Variants in BAZ1A observed in about 807,000 individuals in gnomAD.
The protein encoded by BAZ1A is bromodomain adjacent to zinc finger domain protein 1A.
BAZ1A carries 50 observed loss-of-function variants against 185.2 expected under a neutral mutation model. The observed-to-expected ratio is 0.27, with a 90% CI of 0.22 to 0.34. BAZ1A has a LOEUF of 0.34. Among genes scored for constraint, BAZ1A ranks in the 10% least tolerant of loss-of-function variants. BAZ1A has a pLI of 1.00. For missense variants in BAZ1A, 1,356 were observed against 1,839.9 expected (o/e 0.74, Z 4.81); for synonymous variants, 571 against 615.6 (o/e 0.93, Z 1.07).
chr14:34,820,368 G>A (rs867555333), intron 4 of BAZ1A, among the ~76,000 whole-genome samples: 10 of 152,188 alleles, frequency 6.6e-5, no homozygotes, highest in African/African-American at 2.2e-4. Flanking sequence ...CTGAGCTCAA[G>A]CAATCCACCC....
At chr14:34,816,693 A>G (rs532533981) in intron 4 of BAZ1A, 3 of 205,438 alleles carry the variant, frequency 1.5e-5, no homozygotes, top group Non-Finnish European at 3.1e-5. Context: ...TATAAATTCT[A>G]AAAGCAACTA....
chr14:34,834,229 G>A (rs1378996760), intron 3 of BAZ1A, among the ~76,000 whole-genome samples: 1 of 152,176 alleles, frequency 6.6e-6, no homozygotes, highest in Non-Finnish European at 1.5e-5. Context: ...AATGAAGGAA[G>A]CTTTTCAGGG....
At chr14:34,864,440 G>A (rs1204376681) in intron 2 of BAZ1A, among the ~76,000 whole-genome samples, 1 of 151,772 alleles carries the variant, frequency 6.6e-6, no homozygotes, top group African/African-American at 2.4e-5. Flanking sequence ...ACCGCATTCA[G>A]TCCTGTTTAA....
At chr14:34,760,957 G>A (rs1886496126) in intron 24 of BAZ1A, among the ~76,000 whole-genome samples, 3 of 152,088 alleles carry the variant, frequency 2.0e-5, no homozygotes, top group Middle Eastern at 6.8e-3. Context: ...TATGAATAAT[G>A]ATTACTATAA....
At chr14:34,825,978 G>T in intron 4 of BAZ1A, 35 bp downstream of exon 4, 1 of 1,494,516 alleles carries the variant, frequency 6.7e-7, no homozygotes, top group South Asian at 1.3e-5. Flanking sequence ...TAGGCAATCT[G>T]CCAAATAATT....
chr14:34,761,084 G>A (rs1208904857), intron 24 of BAZ1A, among the ~76,000 whole-genome samples: 2 of 152,108 alleles, frequency 1.3e-5, no homozygotes, highest in Non-Finnish European at 2.9e-5. Context: ...TTCAAGACCA[G>A]CCTGGCCAAC....
intron 4 of BAZ1A, among the ~76,000 whole-genome samples, chr14:34,822,066 G>C (rs1367215816): frequency 6.6e-6 from 1 of 152,122 alleles, no homozygotes; most frequent in African/African-American, 2.4e-5. Flanking sequence ...AGACCAAGGC[G>C]GGTGTATCAC....
intron 4 of BAZ1A, among the ~76,000 whole-genome samples, chr14:34,811,466 A>T (rs944073344): frequency 3.4e-5 from 5 of 149,202 alleles, no homozygotes; most frequent in East Asian, 2.0e-4. Flanking sequence ...TTAAAATTTT[A>T]TTTTTTTTTT....
intron 11 of BAZ1A, among the ~76,000 whole-genome samples, chr14:34,793,297 T>C (rs1880969112): frequency 6.6e-6 from 1 of 152,188 alleles, no homozygotes; most frequent in South Asian, 2.1e-4. Flanking sequence ...TATGTGCAAA[T>C]AGGGCATAGA....
intron 17 of BAZ1A, among the ~76,000 whole-genome samples, chr14:34,777,536 C>A (rs558410406): frequency 6.6e-6 from 1 of 150,794 alleles, no homozygotes; most frequent in Non-Finnish European, 1.5e-5. Context: ...CCCAGCTACT[C>A]AGGAGGCTGA....
chr14:34,854,855 G>A (rs139551491), intron 3 of BAZ1A, among the ~76,000 whole-genome samples: 2,314 of 152,244 alleles, frequency 0.015, 28 homozygotes, highest in South Asian at 0.045. Flanking sequence ...TGAGGTTGGC[G>A]GATCACCTGA....
chr14:34,775,083 G>A (rs1362272451), intron 18 of BAZ1A, among the ~76,000 whole-genome samples: 1 of 152,040 alleles, frequency 6.6e-6, no homozygotes, highest in Non-Finnish European at 1.5e-5. Flanking sequence ...GGGTGTGGTG[G>A]CGGGCGCCTG....
chr14:34,792,060 T>C (rs1880881245), intron 12 of BAZ1A, among the ~76,000 whole-genome samples: 2 of 152,192 alleles, frequency 1.3e-5, no homozygotes, highest in South Asian at 4.1e-4. Context: ...TCAGCAGTAG[T>C]ATTTTCATTT....
chr14:34,860,419 G>C (rs1056958032), intron 3 of BAZ1A, among the ~76,000 whole-genome samples: 1 of 146,876 alleles, frequency 6.8e-6, no homozygotes, highest in Non-Finnish European at 1.5e-5. Flanking sequence ...GAGGTGGGAG[G>C]ATGGCTTAAG....
At chr14:34,850,274 A>C (rs1279595692) in intron 3 of BAZ1A, among the ~76,000 whole-genome samples, 1 of 152,140 alleles carries the variant, frequency 6.6e-6, no homozygotes, top group Non-Finnish European at 1.5e-5. Context: ...GCTACTTCGG[A>C]GGCTGAGGTG....
chr14:34,776,279 TAA>T lies in BAZ1A; in HGVS notation c.2471_2472del (p.Phe824TyrfsTer2). On this transcript the variant is annotated frameshift_variant, in exon 18 of 27. Transcript: ENST00000360310. LOFTEE classifies it high-confidence loss of function. Reference protein sequence around the residue: ...YWIFPSIPGLFIEEDYSGLTE... With the variant: ...YWIFPSIPGLXIEEDYSGLTE... ...GTAAGACCAGAATAATCCTCTTCAA[TAA>T]AGAGTCCAGGAATAGAAGGGAAAAT... 6.2e-7 allele frequency: 1 copy of T among 1,613,600 alleles called. No homozygotes were observed. Among genetic ancestry groups the T allele is most frequent in the Non-Finnish European group, 8.5e-7 (1 of 1,179,642 alleles).
chr14:34,818,301 T>C (rs181248797), intron 4 of BAZ1A, among the ~76,000 whole-genome samples: 2 of 152,176 alleles, frequency 1.3e-5, no homozygotes, highest in African/African-American at 4.8e-5. Flanking sequence ...AAAGACAAAG[T>C]AGATCAGAGG....
intron 25 of BAZ1A, among the ~76,000 whole-genome samples, chr14:34,757,738 TTTTC>T (rs1351968115): frequency 1.5e-5 from 2 of 133,158 alleles, no homozygotes; most frequent in African/African-American, 5.2e-5. Context: ...AACTCTATTG[TTTTC>T]TTTTTTTTTT....
chr14:34,791,368 TAATA>T (rs1253734811), intron 12 of BAZ1A, among the ~76,000 whole-genome samples: 2 of 152,222 alleles, frequency 1.3e-5, no homozygotes, highest in Non-Finnish European at 2.9e-5. Context: ...TGTTGACCAC[TAATA>T]AATATAATAG....
Sources: gnomAD v4.1 joint callset for allele counts (sites outside exome capture counted in the v4.1 genomes callset) on GRCh38, gnomAD v4.1.1 for gene constraint, MANE v1.5 for transcripts, NCBI Gene and HGNC (gene_info 2026-07-23, HGNC 2026-07-21) for gene names.